MICU2: variants seen among roughly 807,000 people sequenced by gnomAD.
MICU2 encodes the protein mitochondrial calcium uptake 2, also known as calcium uptake protein 2, mitochondrial.
In MICU2, 64 loss-of-function variants were observed where a neutral mutation model predicts 60.4. The ratio of observed to expected loss-of-function variants is 1.06; its 90% CI spans 0.87 to 1.31. MICU2 has a LOEUF of 1.31. Ranked by LOEUF, MICU2 falls within the 50% of genes most tolerant of loss-of-function variation. The probability of loss-of-function intolerance (pLI) is 0.00; values close to 1 mark genes in which losing one functional copy is unlikely to be tolerated. For synonymous variants in MICU2, 201 were observed against 175.0 expected (o/e 1.15, Z -1.17); for missense variants, 569 against 531.0 (o/e 1.07, Z -0.70).
rs370193642 is a variant in MICU2 at position 21,514,314 on chromosome 13, A to G, written c.663+39T>C. On this transcript the variant is annotated intron_variant, in intron 7 of 11. Coordinates refer to ENST00000382374, the MANE Select transcript of MICU2 (RefSeq NM_152726.3). ...TCTGAACAAACAAAATAGAGTAGCT[A>G]TTATAAATATCAATTGTTTGGAAAT... 2.5e-4 allele frequency: 379 copies of G among 1,493,296 alleles called. No homozygotes were observed. In the African/African-American group the frequency reaches 4.8e-3, roughly 19 times the overall value. The allele number at this position is 1,493,296 out of a possible 1,614,324, so 92.5% of individuals were successfully genotyped here. A position where few individuals can be genotyped will look rare whatever the true frequency, so the allele number is the denominator to read the frequency against.
At chr13:21,508,891 G>A (rs1886359814) in intron 8 of MICU2, among the ~76,000 whole-genome samples, 1 of 152,086 alleles carries the variant, frequency 6.6e-6, no homozygotes, top group South Asian at 2.1e-4. Flanking sequence ...GATCTTCTGT[G>A]CTACCCAAAT....
At chr13:21,527,554 A>G (rs1886887863) in intron 4 of MICU2, among the ~76,000 whole-genome samples, 1 of 152,262 alleles carries the variant, frequency 6.6e-6, no homozygotes, top group Non-Finnish European at 1.5e-5. Flanking sequence ...GTTCTACAAC[A>G]GCATTCTAGG....
chr13:21,540,304 C>CT (rs11407300), intron 2 of MICU2, among the ~76,000 whole-genome samples: 74,740 of 151,760 alleles, frequency 0.49, 18,671 homozygotes, highest in Middle Eastern at 0.61. Flanking sequence ...TACATTGTTT[C>CT]TTTTTTTTAG....
chr13:21,530,816 C>T (rs1361267394), intron 4 of MICU2: 12 of 727,482 alleles, frequency 1.6e-5, no homozygotes, highest in Non-Finnish European at 2.7e-5. Context: ...CGAGGCCAGG[C>T]AAGCCGTGGT....
chr13:21,573,036 T>A (rs781229837), intron 1 of MICU2, among the ~76,000 whole-genome samples: 2 of 152,218 alleles, frequency 1.3e-5, no homozygotes, highest in African/African-American at 4.8e-5. Context: ...TAATGCCATA[T>A]AAATTCAACA....
At chr13:21,594,206 CA>C (rs1888644968) in intron 1 of MICU2, among the ~76,000 whole-genome samples, 1 of 151,960 alleles carries the variant, frequency 6.6e-6, no homozygotes, top group African/African-American at 2.4e-5. Context: ...ACAACCCCAC[CA>C]AAAAGTGGGC....
chr13:21,552,809 A>G (rs1887605720), intron 2 of MICU2, among the ~76,000 whole-genome samples: 1 of 152,188 alleles, frequency 6.6e-6, no homozygotes, highest in Non-Finnish European at 1.5e-5. Context: ...TGGTACGAGT[A>G]CCATGCTGTT....
intron 1 of MICU2, among the ~76,000 whole-genome samples, chr13:21,578,573 G>A (rs1445962529): frequency 6.6e-6 from 1 of 151,990 alleles, no homozygotes; most frequent in Non-Finnish European, 1.5e-5. Flanking sequence ...CTCCAGTCTA[G>A]GTCACAGAGT....
At chr13:21,588,168 T>G (rs1181357897) in intron 1 of MICU2, among the ~76,000 whole-genome samples, 1 of 152,190 alleles carries the variant, frequency 6.6e-6, no homozygotes, top group Non-Finnish European at 1.5e-5. Context: ...AAATCATACA[T>G]TCATTTTACT....
chr13:21,513,248 T>A (rs923073500), intron 7 of MICU2, among the ~76,000 whole-genome samples: 1 of 152,198 alleles, frequency 6.6e-6, no homozygotes, highest in Non-Finnish European at 1.5e-5. Context: ...TGTCTTGCCT[T>A]ACTGGAGTGG....
At chr13:21,571,454 T>G (rs1201423381) in intron 1 of MICU2, among the ~76,000 whole-genome samples, 1 of 152,112 alleles carries the variant, frequency 6.6e-6, no homozygotes, top group Non-Finnish European at 1.5e-5. Flanking sequence ...TCCCAGCACT[T>G]TGGGAGGCCG....
At chr13:21,591,200 AG>A (rs1347191197) in intron 1 of MICU2, among the ~76,000 whole-genome samples, 2 of 151,894 alleles carry the variant, frequency 1.3e-5, no homozygotes, top group Non-Finnish European at 2.9e-5. Context: ...GCAAATGGAA[AG>A]CAAAAAAAAA....
intron 9 of MICU2, among the ~76,000 whole-genome samples, chr13:21,501,436 G>C (rs1886154887): frequency 1.3e-5 from 2 of 152,068 alleles, no homozygotes; most frequent in Admixed American, 1.3e-4. Context: ...CTAATTTTTT[G>C]TATTTTTAGT....
At chr13:21,601,218 T>C (rs1888808243) in intron 1 of MICU2, among the ~76,000 whole-genome samples, 1 of 152,232 alleles carries the variant, frequency 6.6e-6, no homozygotes, top group South Asian at 2.1e-4. Flanking sequence ...GCCAAAATTC[T>C]GGTATATATC....
chr13:21,561,110 T>G (rs1003933002), intron 2 of MICU2, among the ~76,000 whole-genome samples: 2 of 152,222 alleles, frequency 1.3e-5, no homozygotes, highest in Non-Finnish European at 2.9e-5. Flanking sequence ...GTTTCAGCTA[T>G]CTTTTTGTTA....
chr13:21,587,111 C>G (rs980767550), intron 1 of MICU2, among the ~76,000 whole-genome samples: 6 of 152,120 alleles, frequency 3.9e-5, no homozygotes, highest in Non-Finnish European at 8.8e-5. Context: ...TCCCCTTTGC[C>G]AGGGACGAGG....
intron 2 of MICU2, among the ~76,000 whole-genome samples, chr13:21,554,719 A>T (rs1210831197): frequency 2.0e-5 from 3 of 152,236 alleles, no homozygotes; most frequent in Non-Finnish European, 4.4e-5. Flanking sequence ...CCTTCAAAAA[A>T]ATCAATGAAT....
intron 4 of MICU2, among the ~76,000 whole-genome samples, chr13:21,535,160 A>G (rs1887102704): frequency 6.6e-6 from 1 of 151,548 alleles, no homozygotes; most frequent in African/African-American, 2.4e-5. Context: ...TTCAGTTTTT[A>G]TTTTACTCAT....
chr13:21,601,092 G>C (rs770133123), intron 1 of MICU2, among the ~76,000 whole-genome samples: 1 of 152,136 alleles, frequency 6.6e-6, no homozygotes, highest in Non-Finnish European at 1.5e-5. Flanking sequence ...CACCAGGCCC[G>C]GCCGGACATA....
Sources: allele counts gnomAD v4.1 joint callset (sites outside exome capture counted in the v4.1 genomes callset), GRCh38; gene constraint gnomAD v4.1.1; transcripts MANE v1.5; gene names NCBI Gene and HGNC (gene_info 2026-07-23, HGNC 2026-07-21).